Variants in CNTNAP2 observed in about 807,000 individuals in gnomAD.
CNTNAP2 encodes contactin-associated protein-like 2.
Under a neutral mutation model 155.2 loss-of-function variants are expected in CNTNAP2, and 98 were observed. That is an observed-to-expected ratio of 0.63 (90% confidence interval 0.54 to 0.75). CNTNAP2 has a LOEUF of 0.75. Ranked by LOEUF, CNTNAP2 falls within the 30% of genes least tolerant of loss-of-function variation. The pLI is 0.00. For synonymous variants in CNTNAP2, 651 were observed against 631.2 expected, an observed-to-expected ratio of 1.03 and a Z score of -0.47; for missense variants, 1,727 against 1,688.1, an observed-to-expected ratio of 1.02 and a Z score of -0.40.
chr7:147,514,780 C>T (rs1251405060), intron 11 of CNTNAP2, among the ~76,000 whole-genome samples: 4 of 152,126 alleles, frequency 2.6e-5, no homozygotes, highest in South Asian at 2.1e-4. Flanking sequence ...TCACAACCCA[C>T]GTCTACCCCA....
chr7:148,109,350 G>C (rs946578673), intron 15 of CNTNAP2, among the ~76,000 whole-genome samples: 3 of 127,308 alleles, frequency 2.4e-5, no homozygotes, highest in African/African-American at 9.4e-5. Context: ...AAAGAAGAGA[G>C]GTGTTTTGTT....
chr7:146,407,380 C>A (rs1290915569), intron 1 of CNTNAP2, among the ~76,000 whole-genome samples: 1 of 152,066 alleles, frequency 6.6e-6, no homozygotes, highest in Non-Finnish European at 1.5e-5. Context: ...ACTGTGGTTC[C>A]ATATTGAGCA....
intron 8 of CNTNAP2, among the ~76,000 whole-genome samples, chr7:147,155,378 A>C (rs1239860722): frequency 6.6e-6 from 1 of 152,140 alleles, no homozygotes; most frequent in African/African-American, 2.4e-5. Context: ...ACTCTATGCT[A>C]TCTTGTTATA....
intron 15 of CNTNAP2, among the ~76,000 whole-genome samples, chr7:148,086,838 T>C (rs1010281760): frequency 1.3e-5 from 2 of 152,214 alleles, no homozygotes; most frequent in Non-Finnish European, 2.9e-5. Flanking sequence ...CATCATCAGA[T>C]TAAGCTGCAC....
chr7:146,639,002 T>C (rs1254266953), intron 1 of CNTNAP2, among the ~76,000 whole-genome samples: 1 of 152,194 alleles, frequency 6.6e-6, no homozygotes, highest in Admixed American at 6.5e-5. Flanking sequence ...TAAGTATTTG[T>C]GTGTCAAAAC....
intron 1 of CNTNAP2, among the ~76,000 whole-genome samples, chr7:146,695,223 G>A (rs990667879): frequency 1.3e-5 from 2 of 151,956 alleles, no homozygotes; most frequent in African/African-American, 4.8e-5. Context: ...CAAAAACTAC[G>A]TTTTTGTAGA....
intron 1 of CNTNAP2, among the ~76,000 whole-genome samples, chr7:146,178,755 G>A (rs1176095143): frequency 2.0e-5 from 3 of 152,110 alleles, no homozygotes; most frequent in Non-Finnish European, 4.4e-5. Flanking sequence ...TCACCTACAG[G>A]TAGAATGAAG....
chr7:147,871,578 C>T (rs1799326807), intron 13 of CNTNAP2, among the ~76,000 whole-genome samples: 1 of 152,158 alleles, frequency 6.6e-6, no homozygotes, highest in African/African-American at 2.4e-5. Flanking sequence ...GCCATTACAA[C>T]CGGCTTGGCA....
chr7:147,721,833 G>T (rs887813208), intron 13 of CNTNAP2, among the ~76,000 whole-genome samples: 1 of 152,090 alleles, frequency 6.6e-6, no homozygotes, highest in Non-Finnish European at 1.5e-5. Flanking sequence ...ACTCTCAACT[G>T]CTGTAATCTA....
chr7:147,866,677 A>C lies in CNTNAP2; in HGVS notation c.2099-36888A>C, dbSNP rs577659718. On this transcript the variant is annotated intron_variant, in intron 13 of 23. Coordinates refer to ENST00000361727, the MANE Select transcript of CNTNAP2 (RefSeq NM_014141.6). ...GAATTGCTCCCTTTACCATTATGAA[A>C]TGGCCTTCTTTGCCTCTTTTGATCT... 1.5e-4 allele frequency among the ~76,000 whole-genome samples: 22 copies of C among 151,542 alleles called. No homozygotes were observed. In the East Asian group the frequency reaches 3.3e-3, roughly 23 times the overall value.
chr7:147,022,081 A>T, intron 3 of CNTNAP2, among the ~76,000 whole-genome samples: 1 of 152,080 alleles, frequency 6.6e-6, no homozygotes, highest in East Asian at 1.9e-4. Context: ...TGTAGACCCT[A>T]TCTAGACCTT....
At chr7:147,638,445 T>C (rs749331708) in intron 12 of CNTNAP2, among the ~76,000 whole-genome samples, 4 of 152,230 alleles carry the variant, frequency 2.6e-5, no homozygotes, top group Non-Finnish European at 5.9e-5. Flanking sequence ...TAACTAAAAT[T>C]TAAAAGTATA....
intron 1 of CNTNAP2, among the ~76,000 whole-genome samples, chr7:146,510,611 C>T (rs915288680): frequency 6.6e-6 from 1 of 152,096 alleles, no homozygotes; most frequent in African/African-American, 2.4e-5. Flanking sequence ...TCTTGCAATC[C>T]ACAGATATGG....
chr7:147,809,497 C>G (rs1364442349), intron 13 of CNTNAP2, among the ~76,000 whole-genome samples: 1 of 152,130 alleles, frequency 6.6e-6, no homozygotes. Context: ...AAACTCATCC[C>G]CCATGAGTAG....
intron 1 of CNTNAP2, among the ~76,000 whole-genome samples, chr7:146,237,594 G>T (rs561817402): frequency 1.3e-5 from 2 of 152,084 alleles, no homozygotes; most frequent in Non-Finnish European, 2.9e-5. Context: ...AGCATTTTCC[G>T]GTGCATGCAC....
In CNTNAP2 at chr7:147,809,572, G is replaced by A. The variant is rs75135081; in HGVS notation, c.2099-93993G>A. On this transcript the variant is annotated intron_variant, in intron 13 of 23. Coordinates refer to ENST00000361727, the MANE Select transcript of CNTNAP2 (RefSeq NM_014141.6). ...CTTTACTATGCATCTCCACCAGGATGTAAAATACAATCTGCTGTTTGTCTT... is the reference window on the plus strand; with the variant it reads ...CTTTACTATGCATCTCCACCAGGATATAAAATACAATCTGCTGTTTGTCTT... Among the ~76,000 whole-genome samples, 276 of 152,300 alleles carry A rather than the reference G, an allele frequency of 1.8e-3. 1 individual carries two copies. Among genetic ancestry groups the A allele is most frequent in the African/African-American group, 6.4e-3 (267 of 41,566 alleles).
chr7:147,543,514 T>G (rs986387265), intron 11 of CNTNAP2, among the ~76,000 whole-genome samples: 3 of 152,220 alleles, frequency 2.0e-5, no homozygotes, highest in African/African-American at 7.2e-5. Flanking sequence ...TGAAGATTAA[T>G]GTGAAAGTTT....
At chr7:147,681,085 A>G (rs1317706599) in intron 13 of CNTNAP2, among the ~76,000 whole-genome samples, 1 of 152,000 alleles carries the variant, frequency 6.6e-6, no homozygotes, top group Non-Finnish European at 1.5e-5. Context: ...CATAGTCGTA[A>G]CCCACATATT....
Position 147,109,547 on chromosome 7 carries a change from T to C in CNTNAP2, c.754+1197T>C, listed in dbSNP as rs562509891. The stretch of plus-strand genomic sequence containing the variant: ...AAAATGGAGACTAAGTAATTGTGAA[T>C]ATTGAGTAGGAGAAAATGAAGAAAG... On this transcript the variant is annotated intron_variant, in intron 5 of 23. Coordinates refer to ENST00000361727, the MANE Select transcript of CNTNAP2 (RefSeq NM_014141.6). 2.0e-5 allele frequency among the ~76,000 whole-genome samples: 3 copies of C among 152,196 alleles called. No individual in the cohort carries two copies. In the South Asian group the frequency reaches 6.2e-4, roughly 32 times the overall value.
Sources: gnomAD v4.1 joint callset for allele counts (sites outside exome capture counted in the v4.1 genomes callset) on GRCh38, gnomAD v4.1.1 for gene constraint, MANE v1.5 for transcripts, NCBI Gene and HGNC (gene_info 2026-07-23, HGNC 2026-07-21) for gene names.